Variants in SUN1 observed in about 807,000 individuals in gnomAD.
SUN1 encodes SUN domain-containing protein 1.
SUN1 carries 61 observed loss-of-function variants against 103.2 expected under a neutral mutation model. The ratio of observed to expected loss-of-function variants is 0.59; its 90% CI spans 0.48 to 0.73. The LOEUF (loss-of-function observed/expected upper bound fraction) is 0.73, where lower values mean the gene tolerates loss of function less well. Ranked by LOEUF, SUN1 falls within the 30% of genes least tolerant of loss-of-function variation. The probability of loss-of-function intolerance (pLI) is 0.00; values close to 1 mark genes in which losing one functional copy is unlikely to be tolerated. For synonymous variants in SUN1, 490 were observed against 425.7 expected (o/e 1.15, Z -1.86); for missense variants, 1,052 against 1,034.6 (o/e 1.02, Z -0.23).
intron 5 of SUN1, among the ~76,000 whole-genome samples, chr7:847,996 T>C (rs1817955521): frequency 7.0e-6 from 1 of 143,092 alleles, no homozygotes; most frequent in Non-Finnish European, 1.5e-5. Context: ...TACTCCGCAG[T>C]CCAGTCTCCG....
intron 5 of SUN1, among the ~76,000 whole-genome samples, chr7:844,413 A>G (rs553007591): frequency 2.0e-5 from 3 of 152,330 alleles, no homozygotes; most frequent in South Asian, 4.1e-4. Flanking sequence ...CGAGCCTGGC[A>G]TTGCCCGGGA....
At chr7:859,446 C>A (rs183179472) in intron 13 of SUN1, among the ~76,000 whole-genome samples, 1 of 152,286 alleles carries the variant, frequency 6.6e-6, no homozygotes, top group African/African-American at 2.4e-5. Flanking sequence ...ATAAAGGCAC[C>A]AGTACAGAGG....
At chr7:869,202 C>A in intron 16 of SUN1, 147 bp from the exon 17 acceptor site, 14 of 961,484 alleles carry the variant, frequency 1.5e-5, no homozygotes, top group East Asian at 5.1e-5. Flanking sequence ...AAATGCCTTT[C>A]CCAGCTTATC....
chr7:841,531 C>A (rs1469281708), intron 2 of SUN1, among the ~76,000 whole-genome samples: 1 of 152,148 alleles, frequency 6.6e-6, no homozygotes, highest in East Asian at 1.9e-4. Context: ...TGAGAGCCAC[C>A]GCGCCTGGCC....
At chr7:864,236 T>TAGAG (rs997430125) in intron 15 of SUN1, among the ~76,000 whole-genome samples, 3 of 152,002 alleles carry the variant, frequency 2.0e-5, no homozygotes, top group Admixed American at 6.6e-5. Flanking sequence ...CAAACAAAAA[T>TAGAG]ACTCTAAGTT....
intron 1 of SUN1, among the ~76,000 whole-genome samples, chr7:817,702 C>A (rs75490050): frequency 0.013 from 2,003 of 152,304 alleles, 29 homozygotes; most frequent in Middle Eastern, 0.034. Flanking sequence ...CCCTACATCT[C>A]CACTGTGGAG....
At chr7:823,248 G>A (rs763652832) in intron 1 of SUN1, among the ~76,000 whole-genome samples, 2 of 152,268 alleles carry the variant, frequency 1.3e-5, no homozygotes, top group African/African-American at 2.4e-5. Context: ...GCCGCTTGGA[G>A]AGAAGGACTC....
At chr7:848,586 G>A (rs780262499) in intron 5 of SUN1, 4 of 1,344,650 alleles carry the variant, frequency 3.0e-6, no homozygotes, top group South Asian at 1.2e-5. Flanking sequence ...GAATCCGAAA[G>A]CTATAAGTCA....
chr7:864,738 C>G (rs1429308450), intron 15 of SUN1, among the ~76,000 whole-genome samples: 1 of 28,104 alleles, frequency 3.6e-5, no homozygotes, highest in African/African-American at 1.1e-4. Context: ...AAGCAATTCT[C>G]CTGCCTCAGC....
At chr7:852,734 A>G (rs998089569) in intron 8 of SUN1, 67 bp downstream of exon 8, 13 of 1,612,702 alleles carry the variant, frequency 8.1e-6, no homozygotes, top group African/African-American at 6.7e-5. Flanking sequence ...AACTTAGTGG[A>G]AAAAAATGAG....
In SUN1 at chr7:854,921, C is replaced by G. The variant is rs368576552; in HGVS notation, c.1265C>G (p.Thr422Ser). 5 of 1,611,410 alleles carry G rather than the reference C, an allele frequency of 3.1e-6. No homozygotes were observed. The African/African-American group carries it at 6.7e-5, about 22-fold the overall frequency. ...RDAVGQPPRE[T>S]DFMAFHQEHE... ...TGTTCACTCCTTCTCTTTCCTAAGA[C>G]TGACTTTATGGCCTTTCACCAAGAA... The change falls in exon 11 of 19, where the codon ACT becomes AGT. Residue 422 changes from threonine to serine, a missense_variant and splice_region_variant. By Grantham distance (58) the Thr-to-Ser change is moderately conservative (BLOSUM62 1). Coordinates refer to ENST00000401592, the MANE Select transcript of SUN1 (RefSeq NM_001130965.3).
At chr7:862,771 T>A (rs564371405) in intron 15 of SUN1, among the ~76,000 whole-genome samples, 23 of 152,326 alleles carry the variant, frequency 1.5e-4, no homozygotes, top group African/African-American at 5.3e-4. Context: ...ATTGACACTT[T>A]GTGAGTTAGT....
In SUN1 at chr7:872,550, G is replaced by C. The variant is rs746448753; in HGVS notation, c.2229G>C (p.Met743Ile). ...TYDQDGESLQ[M>I]FQALKRPDDT... is the part of the protein sequence containing the mutation. The stretch of plus-strand genomic sequence containing the variant: ...ATCAGGATGGGGAGTCGCTCCAGAT[G>C]TTCCAGGCCCTGGTAAGAACTGGGA... The change falls in exon 18 of 19, where the codon ATG becomes ATC. Residue 743 changes from methionine to isoleucine, a missense_variant. Met to Ile is a conservative substitution (Grantham distance 10). This residue lies in a region of SUN1 where 206 missense variants were observed against 260.1 expected (regional missense o/e 0.79). Transcript: ENST00000401592. The C allele has an allele frequency of 1.4e-5, 22 of 1,589,450 alleles. No homozygotes were observed. Among genetic ancestry groups the C allele is most frequent in the Non-Finnish European group, 1.6e-5 (19 of 1,167,416 alleles).
Position 842,018 on chromosome 7 carries a change from C to T in SUN1, c.339C>T (p.Ser113=), listed in dbSNP as rs1810515661. ...ACCACGTGTCAAGGCAGGTCACGTC[C>T]TCTGGCGTCAGCCACGGCGGCACTG... is the stretch of plus-strand genomic sequence containing the variant. The part of the protein sequence containing the change: ...SINHVSRQVT[S]SGVSHGGTVS... Residue 113 remains serine (S), a synonymous_variant, in exon 3 of 19, where the codon TCC becomes TCT. Transcript: ENST00000401592. The T allele has an allele frequency of 1.9e-6, 3 of 1,614,088 alleles. No homozygotes were observed. Among genetic ancestry groups the T allele is most frequent in the African/African-American group, 2.7e-5 (2 of 74,932 alleles).
intron 2 of SUN1, among the ~76,000 whole-genome samples, chr7:840,534 C>T (rs1808443175): frequency 6.6e-6 from 1 of 152,224 alleles, no homozygotes; most frequent in African/African-American, 2.4e-5. Context: ...CCTGGGTTCC[C>T]CCTACCTGAC....
At chr7:830,834 G>T (rs890074021), upstream of SUN1, 6 of 552,858 alleles carry the variant, frequency 1.1e-5, no homozygotes, top group South Asian at 3.9e-4. Context: ...GGGAGTGGGC[G>T]TTCGCTGAGC....
chr7:872,544 C>T lies in SUN1; in HGVS notation c.2223C>T (p.Leu741=). 1 of 1,590,752 alleles carries T rather than the reference C, an allele frequency of 6.3e-7. No individual in the cohort carries two copies. Among genetic ancestry groups the T allele is most frequent in the Non-Finnish European group, 8.6e-7 (1 of 1,168,028 alleles). Residue 741 remains leucine (L), a synonymous_variant, in exon 18 of 19, where the codon CTC becomes CTT. Coordinates refer to ENST00000401592, the MANE Select transcript of SUN1 (RefSeq NM_001130965.3). The part of the protein sequence containing the change: ...QFTYDQDGES[L]QMFQALKRPD... ...CGTATGATCAGGATGGGGAGTCGCTCCAGATGTTCCAGGCCCTGGTAAGAA... is the reference window on the plus strand; with the variant it reads ...CGTATGATCAGGATGGGGAGTCGCTTCAGATGTTCCAGGCCCTGGTAAGAA...
chr7:864,520 C>G (rs1209285075), intron 15 of SUN1, among the ~76,000 whole-genome samples: 3 of 148,556 alleles, frequency 2.0e-5, no homozygotes, highest in Non-Finnish European at 4.4e-5. Context: ...TACCATTGCA[C>G]TCCAGCCTGG....
chr7:861,003 T>C (rs1174675839), intron 14 of SUN1, among the ~76,000 whole-genome samples: 1 of 152,224 alleles, frequency 6.6e-6, no homozygotes, highest in Admixed American at 6.5e-5. Context: ...TGAGATCTGG[T>C]TGGGACACAG....
Sources: allele counts gnomAD v4.1 joint callset (sites outside exome capture counted in the v4.1 genomes callset), GRCh38; gene constraint gnomAD v4.1.1; regional missense constraint gnomAD v4.1.1; transcripts MANE v1.5; gene names NCBI Gene and HGNC (gene_info 2026-07-23, HGNC 2026-07-21).